NAALADL2: variants seen among roughly 807,000 people sequenced by gnomAD.
NAALADL2 encodes the protein N-acetylated alpha-linked acidic dipeptidase like 2, also known as inactive N-acetylated-alpha-linked acidic dipeptidase-like protein 2.
In NAALADL2, 76 loss-of-function variants were observed where a neutral mutation model predicts 87.2. The observed-to-expected ratio is 0.87, with a 90% CI of 0.72 to 1.05. The LOEUF is 1.05. Among genes scored for constraint, NAALADL2 ranks in the 50% least tolerant of loss-of-function variants. The probability of loss-of-function intolerance (pLI) is 0.00; values close to 1 mark genes in which losing one functional copy is unlikely to be tolerated. For missense variants in NAALADL2, 1,089 were observed against 945.8 expected (o/e 1.15, Z -1.99); for synonymous variants, 354 against 331.0 (o/e 1.07, Z -0.75).
intron 2 of NAALADL2, among the ~76,000 whole-genome samples, chr3:175,184,269 C>T (rs1338731904): frequency 1.3e-5 from 2 of 152,024 alleles, no homozygotes; most frequent in African/African-American, 4.8e-5. Context: ...AGCCTCAGAA[C>T]TTTTTCCCTT....
rs149495848 is a variant in NAALADL2 at position 175,061,728 on chromosome 3, A to AATATATATATATATATATATATATAT, written c.44-35037_44-35036insTATATATATATATATATATATATATA. 1.7e-4 allele frequency among the ~76,000 whole-genome samples: 24 copies of AATATATATATATATATATATATATAT among 141,556 alleles called. 1 individual carries two copies. Among genetic ancestry groups the AATATATATATATATATATATATATAT allele is most frequent in the Admixed American group, 5.8e-4 (8 of 13,804 alleles). The allele number at this position is 141,556 out of a possible 152,430, so 92.9% of individuals were successfully genotyped here. A position where few individuals can be genotyped will look rare whatever the true frequency, so the allele number is the denominator to read the frequency against. On this transcript the variant is annotated intron_variant, in intron 1 of 13. Transcript: ENST00000454872. ...TTAGTTTCACCTGCTCACTTGCACA[A>AATATATATATATATATATATATATAT]ATATATATATATATATATATATATA...
At chr3:174,839,584 C>T (rs1316096852) in intron 3 of NAALADL2, among the ~76,000 whole-genome samples, 1 of 152,022 alleles carries the variant, frequency 6.6e-6, no homozygotes, top group African/African-American at 2.4e-5. Context: ...AAAACCTTCA[C>T]AATCTATACA....
At chr3:175,321,730 A>T (rs1228829959) in intron 4 of NAALADL2, among the ~76,000 whole-genome samples, 28 of 134,088 alleles carry the variant, frequency 2.1e-4, no homozygotes, top group African/African-American at 7.9e-4. Flanking sequence ...GTGAACTCCC[A>T]TTCACAATTG....
rs147169883 is a variant in NAALADL2, at chr3:175,401,618, A to G, written c.1091-45611A>G. Among the ~76,000 whole-genome samples the G allele has an allele frequency of 3.2e-4, 48 of 152,260 alleles. 1 individual carries two copies. The East Asian group carries it at 8.3e-3, about 26-fold the overall frequency. On this transcript the variant is annotated intron_variant, in intron 5 of 13. Coordinates refer to ENST00000454872, the MANE Select transcript of NAALADL2 (RefSeq NM_207015.3). ...GGCTACAAACCTGTACCTGTAAGAC[A>G]TGTTACTGTACTGAACATTACAGGA...
intron 11 of NAALADL2, among the ~76,000 whole-genome samples, chr3:175,696,943 G>A (rs374679727): frequency 1.3e-5 from 2 of 152,078 alleles, no homozygotes; most frequent in South Asian, 2.1e-4. Flanking sequence ...TGCAATAATG[G>A]CATTAATTCA....
At chr3:174,781,619 G>C (rs572982041) in intron 3 of NAALADL2, among the ~76,000 whole-genome samples, 1 of 152,126 alleles carries the variant, frequency 6.6e-6, no homozygotes, top group East Asian at 1.9e-4. Flanking sequence ...AGGATGGATA[G>C]TGATAGAGAG....
intron 6 of NAALADL2, among the ~76,000 whole-genome samples, chr3:175,454,075 T>A (rs1396790827): frequency 6.6e-6 from 1 of 152,078 alleles, no homozygotes; most frequent in African/African-American, 2.4e-5. Flanking sequence ...CCTTCCTGTA[T>A]CTTCCCTTTA....
chr3:175,543,894 G>C (rs1712824305), intron 9 of NAALADL2, among the ~76,000 whole-genome samples: 2 of 152,204 alleles, frequency 1.3e-5, no homozygotes, highest in Admixed American at 1.3e-4. Flanking sequence ...AATTTTGATA[G>C]AGGTAAATAC....
intron 12 of NAALADL2, among the ~76,000 whole-genome samples, chr3:175,740,840 C>T (rs1227338650): frequency 1.3e-5 from 2 of 152,164 alleles, no homozygotes; most frequent in African/African-American, 4.8e-5. Flanking sequence ...TTGATTTGCA[C>T]TGCGGACTCG....
intron 13 of NAALADL2, among the ~76,000 whole-genome samples, chr3:175,769,902 A>T (rs1749253090): frequency 6.6e-6 from 1 of 152,178 alleles, no homozygotes; most frequent in African/African-American, 2.4e-5. Flanking sequence ...GGGCTGTAGC[A>T]GGCTATAAAT....
At chr3:175,731,085 G>A (rs963003660) in intron 11 of NAALADL2, among the ~76,000 whole-genome samples, 1 of 152,168 alleles carries the variant, frequency 6.6e-6, no homozygotes, top group African/African-American at 2.4e-5. Flanking sequence ...TTAGAGTCTA[G>A]CTTTAGTTTT....
At chr3:175,116,662 T>G (rs546567233) in intron 2 of NAALADL2, among the ~76,000 whole-genome samples, 13 of 151,938 alleles carry the variant, frequency 8.6e-5, no homozygotes, top group Non-Finnish European at 1.6e-4. Flanking sequence ...TACTGCCCAA[T>G]GTAATTTATG....
intron 1 of NAALADL2, among the ~76,000 whole-genome samples, chr3:174,542,874 T>C (rs907262423): frequency 6.6e-6 from 1 of 152,156 alleles, no homozygotes; most frequent in Admixed American, 6.5e-5. Context: ...TCCTGCCTCA[T>C]TATGAGAATA....
chr3:175,396,639 G>A (rs544625711), intron 5 of NAALADL2, among the ~76,000 whole-genome samples: 1 of 152,188 alleles, frequency 6.6e-6, no homozygotes, highest in South Asian at 2.1e-4. Flanking sequence ...TGGTTTGGCT[G>A]TGTCCCCAAC....
chr3:174,600,600 T>C (rs1168832178), intron 2 of NAALADL2, among the ~76,000 whole-genome samples: 1 of 152,144 alleles, frequency 6.6e-6, no homozygotes, highest in African/African-American at 2.4e-5. Flanking sequence ...TGCACTGCTA[T>C]AAAGAAATAC....
In NAALADL2 at chr3:175,055,987, T is replaced by C. The variant is rs1035785844; in HGVS notation, c.44-40803T>C. On this transcript the variant is annotated intron_variant, in intron 1 of 13. Transcript: ENST00000454872. ...TTTCCCTGTTGATCTGGGCGGTGTATTCTAACAGGGGACTGCCAAGCCTCT... is the reference window on the plus strand; with the variant it reads ...TTTCCCTGTTGATCTGGGCGGTGTACTCTAACAGGGGACTGCCAAGCCTCT... Among the ~76,000 whole-genome samples the C allele has an allele frequency of 2.6e-5, 4 of 152,258 alleles. No homozygotes were observed. In the South Asian group the frequency reaches 6.2e-4, roughly 24 times the overall value.
At position 174,687,213 on chromosome 3, in the gene NAALADL2, G is replaced by A. The variant is rs972259232; in HGVS notation, c.-114-50428G>A. On this transcript the variant is annotated intron_variant, in intron 2 of 3. Coordinates refer to the NAALADL2 transcript ENST00000434257. ...GATATCACTGGAACCCTCCTTTCTCGAGCCTTTTGTAATTTCTAATCCTGT... is the reference window on the plus strand; with the variant it reads ...GATATCACTGGAACCCTCCTTTCTCAAGCCTTTTGTAATTTCTAATCCTGT... Among the ~76,000 whole-genome samples, 6 of 151,964 alleles carry A rather than the reference G, an allele frequency of 3.9e-5. No homozygotes were observed. In the South Asian group the frequency reaches 6.2e-4, roughly 16 times the overall value.
intron 2 of NAALADL2, among the ~76,000 whole-genome samples, chr3:174,704,221 T>A (rs654146): frequency 6.6e-6 from 1 of 151,884 alleles, no homozygotes; most frequent in Non-Finnish European, 1.5e-5. Flanking sequence ...CTCACTACAG[T>A]AGGACCTTGA....
chr3:174,931,973 C>A (rs1037082214), intron 1 of NAALADL2, among the ~76,000 whole-genome samples: 3 of 152,142 alleles, frequency 2.0e-5, no homozygotes, highest in African/African-American at 7.2e-5. Flanking sequence ...CAAATAACTT[C>A]AACAATTTTT....
Sources: allele counts gnomAD v4.1 joint callset (sites outside exome capture counted in the v4.1 genomes callset), GRCh38; gene constraint gnomAD v4.1.1; transcripts MANE v1.5; gene names NCBI Gene and HGNC (gene_info 2026-07-23, HGNC 2026-07-21).